CALN1: variants seen among roughly 807,000 people sequenced by gnomAD.
CALN1 encodes the protein calneuron 1.
A neutral mutation model predicts 30.6 loss-of-function variants in CALN1; 17 were observed. That is an observed-to-expected ratio of 0.56 (90% CI 0.38 to 0.83). The LOEUF (loss-of-function observed/expected upper bound fraction) is 0.83. Among genes scored for constraint, CALN1 ranks in the 40% least tolerant of loss-of-function variants. CALN1 has a pLI of 0.00. For synonymous variants in CALN1, 156 were observed against 131.4 expected (o/e 1.19, Z -1.28); for missense variants, 291 against 354.9 (o/e 0.82, Z 1.45).
At chr7:72,205,419 C>T (rs1238645772) in intron 3 of CALN1, among the ~76,000 whole-genome samples, 1 of 150,598 alleles carries the variant, frequency 6.6e-6, no homozygotes, top group Non-Finnish European at 1.5e-5. Flanking sequence ...CCAGGCTGGT[C>T]TCTAACTCCT....
intron 3 of CALN1, among the ~76,000 whole-genome samples, chr7:72,122,472 C>T (rs566217561): frequency 3.9e-5 from 6 of 152,222 alleles, no homozygotes; most frequent in African/African-American, 1.2e-4. Flanking sequence ...CATGGTGGCT[C>T]ACACCTGTAA....
At chr7:72,284,954 C>A (rs1438576291) in intron 2 of CALN1, among the ~76,000 whole-genome samples, 2 of 151,948 alleles carry the variant, frequency 1.3e-5, no homozygotes, top group African/African-American at 4.8e-5. Context: ...TCTACAGTAC[C>A]AAGGACCCAG....
chr7:72,010,161 C>T (rs538054414), intron 5 of CALN1, among the ~76,000 whole-genome samples: 1 of 152,208 alleles, frequency 6.6e-6, no homozygotes, highest in Non-Finnish European at 1.5e-5. Flanking sequence ...ATACTGAAAT[C>T]CTAACCCCCA....
the CALN1 span, among the ~76,000 whole-genome samples, chr7:72,456,203 A>C: frequency 7.6e-4 from 112 of 147,816 alleles, no homozygotes; most frequent in African/African-American, 2.6e-3. Context: ...AAAAAGAGAG[A>C]GAGAGAGAGA....
chr7:71,835,000 T>C (rs1211517701), intron 5 of CALN1, among the ~76,000 whole-genome samples: 1 of 151,980 alleles, frequency 6.6e-6, no homozygotes, highest in East Asian at 1.9e-4. Flanking sequence ...CCCAGGTAAT[T>C]TTAAAAAAAA....
chr7:72,409,354 G>A (rs931624293), intron 1 of CALN1, among the ~76,000 whole-genome samples: 2 of 151,576 alleles, frequency 1.3e-5, no homozygotes, highest in Middle Eastern at 3.4e-3. Context: ...GTTGCTGAAG[G>A]CCACAGAGGC....
chr7:72,287,999 T>C lies in CALN1; in HGVS notation c.120-9189A>G, dbSNP rs189504009. On this transcript the variant is annotated intron_variant, in intron 2 of 6. Coordinates refer to ENST00000395275, the MANE Select transcript of CALN1 (RefSeq NM_031468.4). The stretch of plus-strand genomic sequence containing the variant: ...TATATAATAGTTATTTATTGGTATA[T>C]AATAAATTACCCCTGAACTTTGTGG... Among the ~76,000 whole-genome samples, 91 of 152,064 alleles carry C rather than the reference T, an allele frequency of 6.0e-4. No individual in the cohort carries two copies. The Middle Eastern group carries it at 0.01, about 17-fold the overall frequency.
chr7:72,099,250 C>A (rs1806468088), intron 4 of CALN1, among the ~76,000 whole-genome samples: 1 of 148,288 alleles, frequency 6.7e-6, no homozygotes, highest in Admixed American at 6.8e-5. Context: ...AGCGAAGAAT[C>A]CTAAGCTTTG....
intron 4 of CALN1, among the ~76,000 whole-genome samples, chr7:72,084,379 T>C (rs1167007218): frequency 1.5e-5 from 2 of 137,282 alleles, no homozygotes; most frequent in East Asian, 2.8e-4. Context: ...GCAGAAAATG[T>C]AGTAAAATTT....
chr7:72,440,651 A>T (rs1038034787), intron 1 of CALN1, among the ~76,000 whole-genome samples: 35 of 152,118 alleles, frequency 2.3e-4, no homozygotes, highest in Admixed American at 2.3e-3. Context: ...ATATGAGGAA[A>T]CCCCATCTCT....
At chr7:72,081,566 G>A (rs957349254) in intron 4 of CALN1, among the ~76,000 whole-genome samples, 39 of 152,016 alleles carry the variant, frequency 2.6e-4, no homozygotes, top group African/African-American at 8.7e-4. Flanking sequence ...GGGACTACAG[G>A]TGTGCACCAC....
chr7:71,913,861 CA>C (rs1309598226), intron 5 of CALN1: 2 of 152,196 alleles, frequency 1.3e-5, no homozygotes, highest in African/African-American at 4.8e-5. Context: ...GCAGATGCTA[CA>C]AAAGGTTTTA....
intron 2 of CALN1, among the ~76,000 whole-genome samples, chr7:72,289,877 A>G (rs1798354602): frequency 6.6e-6 from 1 of 151,948 alleles, no homozygotes; most frequent in Non-Finnish European, 1.5e-5. Context: ...CCCGGAGTTC[A>G]AGACCAGCTG....
intron 5 of CALN1, among the ~76,000 whole-genome samples, chr7:71,893,444 T>C (rs552497965): frequency 6.6e-6 from 1 of 152,202 alleles, no homozygotes; most frequent in South Asian, 2.1e-4. Context: ...CCCAGCACTT[T>C]GGGGGGCCGA....
chr7:72,205,014 C>A (rs2129547684), intron 3 of CALN1, among the ~76,000 whole-genome samples: 1 of 152,146 alleles, frequency 6.6e-6, no homozygotes, highest in East Asian at 1.9e-4. Flanking sequence ...CAATGGATAT[C>A]TACTTTTTCT....
chr7:71,926,762 T>C (rs560245189), intron 5 of CALN1, among the ~76,000 whole-genome samples: 12 of 152,330 alleles, frequency 7.9e-5, no homozygotes, highest in African/African-American at 2.9e-4. Flanking sequence ...AATTTTTTCT[T>C]TGGCTGTGTT....
At position 72,398,234 on chromosome 7, in the gene CALN1, C is replaced by T. The variant is rs538588400; in HGVS notation, c.119+5017G>A. Among the ~76,000 whole-genome samples the T allele has an allele frequency of 5.5e-4, 84 of 152,274 alleles. 2 individuals carry two copies. In the South Asian group the frequency reaches 0.014, roughly 25 times the overall value. ...TCCTTCAGCCTCTCACTGTGCAGGA[C>T]CTTCCGTCACAAGGAAGTTTACAGG... On this transcript the variant is annotated intron_variant, in intron 2 of 6. Coordinates refer to ENST00000395275, the MANE Select transcript of CALN1 (RefSeq NM_031468.4).
At chr7:71,967,625 C>CAAAA (rs761089148) in intron 5 of CALN1, among the ~76,000 whole-genome samples, 2 of 70,302 alleles carry the variant, frequency 2.8e-5, no homozygotes, top group African/African-American at 4.9e-5. Context: ...GACCCTGTTT[C>CAAAA]AAAAAAAAAA....
intron 5 of CALN1, among the ~76,000 whole-genome samples, chr7:71,976,825 G>A (rs1171468242): frequency 1.3e-5 from 2 of 152,166 alleles, no homozygotes; most frequent in African/African-American, 4.8e-5. Context: ...TGCACAGAAG[G>A]AGCCTGCTGA....
Sources: allele counts gnomAD v4.1 joint callset (sites outside exome capture counted in the v4.1 genomes callset), GRCh38; gene constraint gnomAD v4.1.1; transcripts MANE v1.5; gene names NCBI Gene and HGNC (gene_info 2026-07-23, HGNC 2026-07-21).